Variants in TACC2 observed in about 807,000 individuals in gnomAD.
TACC2 encodes the protein transforming acidic coiled-coil containing protein 2.
TACC2 carries 137 observed loss-of-function variants against 227.3 expected under a neutral mutation model. That is an observed-to-expected ratio of 0.60 (90% CI 0.52 to 0.69). The LOEUF (loss-of-function observed/expected upper bound fraction) is 0.69, where lower values mean the gene tolerates loss of function less well. TACC2 is among the 30% of genes least tolerant of loss of function. The probability of loss-of-function intolerance (pLI) is 0.00; values close to 1 mark genes in which losing one functional copy is unlikely to be tolerated. For missense variants in TACC2, 3,470 were observed against 3,694.4 expected, an observed-to-expected ratio of 0.94 and a Z score of 1.57; for synonymous variants, 1,523 against 1,487.5, an observed-to-expected ratio of 1.02 and a Z score of -0.55.
intron 2 of TACC2, among the ~76,000 whole-genome samples, chr10:122,048,069 C>A (rs2075237995): frequency 6.6e-6 from 1 of 152,202 alleles, no homozygotes; most frequent in Non-Finnish European, 1.5e-5. Flanking sequence ...AGGACTACAG[C>A]CCATCCAACA....
intron 7 of TACC2, chr10:122,163,967 C>T (rs867965349): frequency 6.3e-7 from 1 of 1,588,732 alleles, no homozygotes; most frequent in Non-Finnish European, 8.6e-7. Context: ...AGCCAGCGAC[C>T]TGAACCTGGA....
Position 122,150,577 on chromosome 10 carries a change from G to A in TACC2, c.5834+6871G>A, listed in dbSNP as rs577173767. On this transcript the variant is annotated intron_variant, in intron 7 of 22. Transcript: ENST00000369005. The surrounding 1 kb of genome is among the most constrained non-coding windows in gnomAD (Gnocchi z 4.0). ...GCAGAAAGAGGGGTGGCCAGGAGAC[G>A]GCTGGTCACAGAGTGCCCCAAAGGT... 2.0e-5 allele frequency among the ~76,000 whole-genome samples: 3 copies of A among 152,178 alleles called. No homozygotes were observed. The highest frequency in any genetic ancestry group is 1.3e-4 in the Admixed American group (2 of 15,284).
At position 122,211,194 on chromosome 10, in the gene TACC2, C is replaced by T. The variant is rs763504346; in HGVS notation, c.6769C>T (p.Pro2257Ser). ...PSDSGGQEDSPAKGLSVRLEF... is the reference protein window; with the variant it reads ...PSDSGGQEDSSAKGLSVRLEF... ...GGATAGCGGGGGGCAAGAGGACTCTCCAGCCAAAGGGCTCTCCGTAAGGCT... is the reference window on the plus strand; with the variant it reads ...GGATAGCGGGGGGCAAGAGGACTCTTCAGCCAAAGGGCTCTCCGTAAGGCT... The change falls in exon 9 of 23, where the codon CCA becomes TCA. Residue 2257 changes from proline (P) to serine (S), a missense_variant. Pro to Ser is a moderately conservative substitution (Grantham distance 74). Transcript: ENST00000369005. 1.2e-6 allele frequency: 2 copies of T among 1,613,496 alleles called. No homozygotes were observed. Among genetic ancestry groups the T allele is most frequent in the Non-Finnish European group, 1.7e-6 (2 of 1,179,812 alleles).
chr10:122,229,326 T>C lies in TACC2; in HGVS notation c.7897-20T>C, dbSNP rs1461826049. ...TCTCCTCTATTTTTCTTGTGTGTCC[T>C]CCTCTCTGCCGGCTTTCAGACAGCT... On this transcript the variant is annotated intron_variant, in intron 14 of 22. Transcript: ENST00000369005. The C allele has an allele frequency of 3.1e-6, 5 of 1,613,428 alleles. No homozygotes were observed. The Admixed American group carries it at 8.4e-5, about 27-fold the overall frequency.
rs1261892627 is a variant in TACC2, at chr10:122,085,693, C to G, written c.3193C>G (p.Pro1065Ala). The change falls in exon 4 of 23, where the codon CCC (proline) becomes GCC (alanine). Residue 1065 changes from proline to alanine, a missense_variant. Pro to Ala is a conservative substitution (Grantham distance 27). Coordinates refer to ENST00000369005, the MANE Select transcript of TACC2 (RefSeq NM_206862.4). ...AGTTCCCTGCCTGCCAGCCCTGGCG[C>G]CCGCCAGCCCCGGAGTCACACCCAC... Reference protein sequence around the residue: ...DAVPCLPALAPASPGVTPTQD... With the variant: ...DAVPCLPALAAASPGVTPTQD... 6.2e-7 allele frequency: 1 copy of G among 1,613,764 alleles called. No homozygotes were observed.
At chr10:122,118,637 G>C (rs971059232) in intron 5 of TACC2, among the ~76,000 whole-genome samples, 1 of 152,178 alleles carries the variant, frequency 6.6e-6, no homozygotes. Flanking sequence ...AGGTAATTTT[G>C]CTGCTTGTGT....
At chr10:122,088,786 A>G in intron 5 of TACC2, 195 bp downstream of exon 5, 1 of 1,510,724 alleles carries the variant, frequency 6.6e-7, no homozygotes. Context: ...TGGAAAAGGG[A>G]TTGAATGAGT....
intron 5 of TACC2, among the ~76,000 whole-genome samples, chr10:122,105,641 A>G (rs4752644): frequency 0.45 from 65,564 of 147,152 alleles, 15,248 homozygotes; most frequent in South Asian, 0.53. Context: ...TTTTTTTGAG[A>G]TGGAGTCTTG....
intron 5 of TACC2, among the ~76,000 whole-genome samples, chr10:122,097,087 A>G (rs1309841330): frequency 1.3e-5 from 2 of 152,134 alleles, no homozygotes; most frequent in Non-Finnish European, 2.9e-5. Context: ...GCACTTTGAG[A>G]GGCTGAGGTG....
Position 122,250,609 on chromosome 10 carries a change from C to T in TACC2, c.8781+945C>T, listed in dbSNP as rs145306183. 5.9e-5 allele frequency among the ~76,000 whole-genome samples: 9 copies of T among 152,280 alleles called. No homozygotes were observed. In the East Asian group the frequency reaches 1.5e-3, roughly 26 times the overall value. ...CATTTGGGCCAAGCAGTGGTGATCT[C>T]TGCCCTGGGCAGGTGCCAGTCCTCA... On this transcript the variant is annotated intron_variant, in intron 22 of 22. Transcript: ENST00000369005.
intron 2 of TACC2, among the ~76,000 whole-genome samples, chr10:122,041,949 T>C (rs904520499): frequency 3.6e-5 from 5 of 140,136 alleles, no homozygotes; most frequent in African/African-American, 1.2e-4. Flanking sequence ...TCTTTTCTTT[T>C]TTCTTTTCTT....
intron 3 of TACC2, among the ~76,000 whole-genome samples, chr10:122,081,266 T>C (rs907028613): frequency 6.6e-6 from 1 of 151,558 alleles, no homozygotes. Flanking sequence ...ACGCCTGTAA[T>C]CCCAGCACTT....
intron 8 of TACC2, among the ~76,000 whole-genome samples, chr10:122,202,774 G>GTC (rs1363665154): frequency 6.7e-6 from 1 of 150,168 alleles, no homozygotes; most frequent in East Asian, 2.0e-4. Context: ...GTGAACAAAG[G>GTC]TCTCCGGTTT....
In TACC2 at chr10:122,088,527, G is replaced by T. The variant is rs1179951126; in HGVS notation, c.5509G>T (p.Asp1837Tyr). ...CATGTTACCTTCGGTTCCTAAGAAGGATGCTCCAAGAGTCATGGATAAAGT... is the reference window on the plus strand; with the variant it reads ...CATGTTACCTTCGGTTCCTAAGAAGTATGCTCCAAGAGTCATGGATAAAGT... ...PSMLPSVPKK[D>Y]APRVMDKVTS... The change falls in exon 5 of 23, where the codon GAT becomes TAT. Residue 1837 changes from aspartate (D) to tyrosine (Y), a missense_variant. Around this residue, in one of 10 missense-constraint regions of TACC2, gnomAD observed 1,924 missense variants for 1,978.3 expected, o/e 0.97. Coordinates refer to ENST00000369005, the MANE Select transcript of TACC2 (RefSeq NM_206862.4). The T allele has an allele frequency of 6.2e-7, 1 of 1,613,894 alleles. No individual in the cohort carries two copies. The highest frequency in any genetic ancestry group is 1.7e-5 in the Admixed American group (1 of 59,962).
At chr10:122,136,115 T>C (rs1158426358) in intron 6 of TACC2, among the ~76,000 whole-genome samples, 1 of 152,226 alleles carries the variant, frequency 6.6e-6, no homozygotes, top group Non-Finnish European at 1.5e-5. Context: ...GTTGATTGGC[T>C]GATGAAAATG....
At chr10:122,182,192 C>A (rs145363413) in intron 7 of TACC2, among the ~76,000 whole-genome samples, 117 of 152,286 alleles carry the variant, frequency 7.7e-4, no homozygotes, top group African/African-American at 2.8e-3. Flanking sequence ...GGGAGAAACG[C>A]TGTGGGAGGT....
chr10:122,253,795 G>T (rs1281836122), intron 22 of TACC2, among the ~76,000 whole-genome samples, 196 bp from the exon 23 acceptor site: 1 of 152,216 alleles, frequency 6.6e-6, no homozygotes, highest in African/African-American at 2.4e-5. Flanking sequence ...GCTCAGAGAG[G>T]TTGTGTAACT....
At chr10:122,182,672 C>A (rs2094010467) in intron 7 of TACC2, among the ~76,000 whole-genome samples, 2 of 152,144 alleles carry the variant, frequency 1.3e-5, no homozygotes, top group African/African-American at 4.8e-5. Context: ...GTTATAAAGT[C>A]AAAACACGTG....
At chr10:122,233,253 A>G (rs889207121) in intron 16 of TACC2, among the ~76,000 whole-genome samples, 26 of 152,218 alleles carry the variant, frequency 1.7e-4, no homozygotes, top group Non-Finnish European at 8.8e-5. Flanking sequence ...GTCACTGGAA[A>G]TGTGGTACAG....
Sources: allele counts gnomAD v4.1 joint callset (sites outside exome capture counted in the v4.1 genomes callset), GRCh38; gene constraint gnomAD v4.1.1; regional missense constraint gnomAD v4.1.1; non-coding constraint Gnocchi (gnomAD v3.1); transcripts MANE v1.5; gene names NCBI Gene and HGNC (gene_info 2026-07-23, HGNC 2026-07-21).